The following ZNF804B variants were observed in gnomAD, a reference collection of about 807,000 sequenced individuals.
ZNF804B encodes the protein zinc finger 804B.
A neutral mutation model predicts 101.4 loss-of-function variants in ZNF804B; 80 were observed. That is an observed-to-expected ratio of 0.79 (90% CI 0.66 to 0.95). ZNF804B has a LOEUF of 0.95. Among genes scored for constraint, ZNF804B ranks in the 40% least tolerant of loss-of-function variants. The pLI, the probability that ZNF804B is intolerant of heterozygous loss-of-function variation, is 0.00. For missense variants in ZNF804B, 1,673 were observed against 1,561.9 expected, an observed-to-expected ratio of 1.07 and a Z score of -1.20; for synonymous variants, 622 against 558.8, an observed-to-expected ratio of 1.11 and a Z score of -1.59.
chr7:88,943,286 C>G (rs942776946), intron 1 of ZNF804B, among the ~76,000 whole-genome samples: 1 of 151,838 alleles, frequency 6.6e-6, no homozygotes, highest in Non-Finnish European at 1.5e-5. Flanking sequence ...GCCCTTTCAC[C>G]CATCTCCAGG....
intron 2 of ZNF804B, among the ~76,000 whole-genome samples, chr7:89,263,122 T>C (rs1191718709): frequency 2.0e-5 from 3 of 152,200 alleles, no homozygotes; most frequent in Non-Finnish European, 4.4e-5. Flanking sequence ...CAACCAAATG[T>C]TGTGAGCCAT....
At chr7:89,036,508 G>A (rs1263816590) in intron 1 of ZNF804B, among the ~76,000 whole-genome samples, 1 of 151,980 alleles carries the variant, frequency 6.6e-6, no homozygotes, top group East Asian at 1.9e-4. Flanking sequence ...TTTATGATAA[G>A]GGTAAAACGG....
At chr7:88,942,683 A>G (rs1376825234) in intron 1 of ZNF804B, among the ~76,000 whole-genome samples, 1 of 151,794 alleles carries the variant, frequency 6.6e-6, no homozygotes, top group Non-Finnish European at 1.5e-5. Flanking sequence ...AAAAAAACCA[A>G]TGGTATTTAG....
At chr7:89,118,829 C>G (rs1006427991) in intron 1 of ZNF804B, among the ~76,000 whole-genome samples, 6 of 152,236 alleles carry the variant, frequency 3.9e-5, no homozygotes, top group African/African-American at 1.4e-4. Context: ...CCAACATTCT[C>G]CATTCATTAC....
intron 1 of ZNF804B, among the ~76,000 whole-genome samples, chr7:89,020,767 A>G (rs113494771): frequency 0.014 from 2,141 of 152,102 alleles, 26 homozygotes; most frequent in Admixed American, 0.042. Context: ...TTTATGTTGT[A>G]TATTTTAATT....
At chr7:89,209,392 T>C (rs902579884) in intron 1 of ZNF804B, among the ~76,000 whole-genome samples, 23 of 152,222 alleles carry the variant, frequency 1.5e-4, no homozygotes, top group African/African-American at 5.3e-4. Context: ...ATTTTGTTTA[T>C]GTCTCATTCC....
At chr7:89,203,160 G>A (rs1443113444) in intron 1 of ZNF804B, among the ~76,000 whole-genome samples, 2 of 152,084 alleles carry the variant, frequency 1.3e-5, no homozygotes, top group African/African-American at 2.4e-5. Flanking sequence ...GACAATCTTG[G>A]ACAAATGTAG....
intron 1 of ZNF804B, among the ~76,000 whole-genome samples, chr7:88,866,034 G>A (rs1184015802): frequency 6.6e-6 from 1 of 152,078 alleles, no homozygotes; most frequent in Admixed American, 6.5e-5. Context: ...TTGGTTCAAT[G>A]TCTTGTCCAC....
At chr7:88,797,369 AC>A (rs1469307962) in intron 1 of ZNF804B, among the ~76,000 whole-genome samples, 1 of 152,132 alleles carries the variant, frequency 6.6e-6, no homozygotes, top group Non-Finnish European at 1.5e-5. Flanking sequence ...AGAGTGTGAA[AC>A]CATAAGCCCT....
intron 1 of ZNF804B, among the ~76,000 whole-genome samples, chr7:89,157,174 G>A (rs1444787589): frequency 6.6e-6 from 1 of 152,126 alleles, no homozygotes; most frequent in Non-Finnish European, 1.5e-5. Flanking sequence ...GTGAATATGG[G>A]ATACATTTAG....
At chr7:89,017,605 T>C (rs1788589600) in intron 1 of ZNF804B, among the ~76,000 whole-genome samples, 1 of 152,162 alleles carries the variant, frequency 6.6e-6, no homozygotes, top group Admixed American at 6.6e-5. Flanking sequence ...TAGATAGCTT[T>C]GGATAGTATG....
At chr7:89,320,941 T>A (rs1790809535) in intron 2 of ZNF804B, among the ~76,000 whole-genome samples, 1 of 152,078 alleles carries the variant, frequency 6.6e-6, no homozygotes, top group South Asian at 2.1e-4. Context: ...GAAGAACTCA[T>A]ACAAAAATGT....
chr7:89,279,417 C>T (rs928125264), intron 2 of ZNF804B, among the ~76,000 whole-genome samples: 21 of 150,660 alleles, frequency 1.4e-4, no homozygotes, highest in Admixed American at 8.0e-4. Context: ...AGAGGGCATC[C>T]CTGTCTTGTG....
chr7:89,014,988 A>T (rs1384113209), intron 1 of ZNF804B, among the ~76,000 whole-genome samples: 1 of 152,194 alleles, frequency 6.6e-6, no homozygotes, highest in African/African-American at 2.4e-5. Context: ...ATGGGGATTT[A>T]CATTTAGATC....
chr7:89,198,791 C>T (rs190594442), intron 1 of ZNF804B, among the ~76,000 whole-genome samples: 282 of 151,090 alleles, frequency 1.9e-3, no homozygotes, highest in Non-Finnish European at 3.3e-3. Context: ...CATGTGTACT[C>T]CAGCCAAAGG....
chr7:88,781,008 T>C (rs181491464), intron 1 of ZNF804B, among the ~76,000 whole-genome samples: 74 of 152,292 alleles, frequency 4.9e-4, no homozygotes, highest in African/African-American at 1.6e-3. Context: ...TCTCATTCTT[T>C]TAGGCACATG....
chr7:88,800,702 G>A (rs1790564569), intron 1 of ZNF804B, among the ~76,000 whole-genome samples: 1 of 74,760 alleles, frequency 1.3e-5, no homozygotes, highest in Non-Finnish European at 2.3e-5. Context: ...TTGTGTGTGT[G>A]TGTGTGTGTG....
chr7:89,099,460 T>C (rs946219500), intron 1 of ZNF804B, among the ~76,000 whole-genome samples: 5 of 152,082 alleles, frequency 3.3e-5, no homozygotes, highest in African/African-American at 4.8e-5. Context: ...CACTAAGAAA[T>C]AGATGCACCT....
chr7:88,829,473 C>T (rs1418381439), intron 1 of ZNF804B, among the ~76,000 whole-genome samples: 3 of 151,948 alleles, frequency 2.0e-5, no homozygotes, highest in Non-Finnish European at 4.4e-5. Context: ...AGCTATTAAA[C>T]CAATGTGATC....
Sources: gnomAD v4.1 joint callset for allele counts (sites outside exome capture counted in the v4.1 genomes callset) on GRCh38, gnomAD v4.1.1 for gene constraint, MANE v1.5 for transcripts, NCBI Gene and HGNC (gene_info 2026-07-23, HGNC 2026-07-21) for gene names.